Variants in SH3PXD2B observed in about 807,000 individuals in gnomAD.
SH3PXD2B encodes SH3 and PX domain-containing protein 2B.
SH3PXD2B carries 37 observed loss-of-function variants against 73.1 expected under a neutral mutation model. The observed-to-expected ratio is 0.51, with a 90% CI of 0.39 to 0.67. The LOEUF is 0.67. Among genes scored for constraint, SH3PXD2B ranks in the 30% least tolerant of loss-of-function variants. SH3PXD2B has a pLI of 0.00. For synonymous variants in SH3PXD2B, 457 were observed against 480.5 expected (o/e 0.95, Z 0.64); for missense variants, 1,053 against 1,197.8 (o/e 0.88, Z 1.78).
chr5:172,343,937 C>T lies in SH3PXD2B; in HGVS notation c.1188+2199G>A, dbSNP rs1196775434. ...GAGGCAAATAATTTACCTAACCCCC[C>T]TGAGTCTCATCTATAAAACATGCTG... On this transcript the variant is annotated intron_variant, in intron 12 of 12. Transcript: ENST00000311601. Among the ~76,000 whole-genome samples, 10 of 151,962 alleles carry T rather than the reference C, an allele frequency of 6.6e-5. No homozygotes were observed. The East Asian group carries it at 1.7e-3, about 26-fold the overall frequency.
intron 6 of SH3PXD2B, among the ~76,000 whole-genome samples, chr5:172,372,645 A>G (rs1029330390): frequency 1.3e-5 from 2 of 152,214 alleles, no homozygotes; most frequent in Non-Finnish European, 2.9e-5. Context: ...TGTGCCAGGC[A>G]CTATTCTAGG....
chr5:172,451,350 G>A (rs374971144), intron 1 of SH3PXD2B, among the ~76,000 whole-genome samples: 3 of 152,198 alleles, frequency 2.0e-5, no homozygotes, highest in East Asian at 1.9e-4. Context: ...AGTCTATGGC[G>A]CAGTGGCTGG....
intron 1 of SH3PXD2B, among the ~76,000 whole-genome samples, chr5:172,430,476 A>G (rs976024574): frequency 2.0e-5 from 3 of 152,166 alleles, no homozygotes; most frequent in African/African-American, 7.2e-5. Context: ...GCCTGTGGGG[A>G]AGGCCCTGAC....
intron 5 of SH3PXD2B, 86 bp from the exon 6 acceptor site, chr5:172,373,901 A>G: frequency 7.0e-7 from 1 of 1,434,754 alleles, no homozygotes. Context: ...GGAAACTGAG[A>G]TTCTCCACCC....
Position 172,367,049 on chromosome 5 carries a change from G to A in SH3PXD2B, c.428-4180C>T, listed in dbSNP as rs541354962. 1.0e-4 allele frequency among the ~76,000 whole-genome samples: 15 copies of A among 148,086 alleles called. No homozygotes were observed. The South Asian group carries it at 2.4e-3, about 24-fold the overall frequency. On this transcript the variant is annotated intron_variant, in intron 6 of 12. Coordinates refer to ENST00000311601, the MANE Select transcript of SH3PXD2B (RefSeq NM_001017995.3). Reference sequence around the variant, plus strand: ...CCCCCAGGGCTCAGGCGATTCTCTCGCCTCAGCCTCCCGAGTAACTGGGAC... The same window carrying A: ...CCCCCAGGGCTCAGGCGATTCTCTCACCTCAGCCTCCCGAGTAACTGGGAC...
At position 172,394,621 on chromosome 5, in the gene SH3PXD2B, C is replaced by T. The variant is rs1581304939; in HGVS notation, c.251G>A (p.Arg84Gln). ...PFLPGKILFR[R>Q]SHIRDVAVKR... is the part of the protein sequence containing the mutation. ...GACAGCCACGTCCCGGATGTGGCTTCGTCTGAAGAGAATCTTACCTGCAGA... is the reference window on the plus strand; with the variant it reads ...GACAGCCACGTCCCGGATGTGGCTTTGTCTGAAGAGAATCTTACCTGCAGA... The change falls in exon 4 of 13, where the codon CGA becomes CAA. Residue 84 changes from arginine (R) to glutamine (Q), a missense_variant. Arg to Gln is a conservative substitution (Grantham distance 43). Transcript: ENST00000311601. The T allele has an allele frequency of 4.3e-6, 7 of 1,613,928 alleles. No homozygotes were observed. The highest frequency in any genetic ancestry group is 1.1e-5 in the South Asian group (1 of 91,062).
chr5:172,335,328 C>A lies in SH3PXD2B; in HGVS notation c.*3041G>T. On this transcript the variant is annotated 3_prime_UTR_variant, in exon 13 of 13. Coordinates refer to ENST00000311601, the MANE Select transcript of SH3PXD2B (RefSeq NM_001017995.3). Reference sequence around the variant, plus strand: ...GTGAGCAAGGGGCGGGGGGAAGAGGCACCGAAATTCAGAGGGAGGGTCACT... The same window carrying A: ...GTGAGCAAGGGGCGGGGGGAAGAGGAACCGAAATTCAGAGGGAGGGTCACT... The A allele has an allele frequency of 2.5e-6, 3 of 1,192,576 alleles. No homozygotes were observed. The allele number at this position is 1,192,576 out of a possible 1,614,324, so 73.9% of individuals were successfully genotyped here.
At chr5:172,406,655 C>A (rs977189188) in intron 2 of SH3PXD2B, among the ~76,000 whole-genome samples, 1 of 152,116 alleles carries the variant, frequency 6.6e-6, no homozygotes, top group African/African-American at 2.4e-5. Flanking sequence ...ACTCTCAGGG[C>A]CACCAGGATT....
At chr5:172,349,693 G>A (rs1365237155) in intron 10 of SH3PXD2B, among the ~76,000 whole-genome samples, 3 of 152,104 alleles carry the variant, frequency 2.0e-5, no homozygotes, top group Admixed American at 6.5e-5. Context: ...CTGTAAAACA[G>A]AAAAAGTAGT....
At chr5:172,362,080 T>G (rs991176069) in intron 7 of SH3PXD2B, among the ~76,000 whole-genome samples, 8 of 152,252 alleles carry the variant, frequency 5.3e-5, no homozygotes, top group African/African-American at 1.9e-4. Flanking sequence ...CACATTTTTT[T>G]GAGCATCTAC....
At position 172,454,481 on chromosome 5, in the gene SH3PXD2B, AGCCGCCGCC is replaced by A. The variant is rs978023864; in HGVS notation, c.-138_-130del. On this transcript the variant is annotated 5_prime_UTR_variant, in exon 1 of 13. Coordinates refer to ENST00000311601, the MANE Select transcript of SH3PXD2B (RefSeq NM_001017995.3). ...GCAATCGCAGCCGGGGCCGAGCACG[AGCCGCCGCC>A]GCCACCGCCGCCGCCCTTCGCTCGG... The A allele has an allele frequency of 9.7e-5, 31 of 320,048 alleles. No homozygotes were observed. Among genetic ancestry groups the A allele is most frequent in the Admixed American group, 6.4e-5 (1 of 15,594 alleles). 19.8% of individuals were successfully genotyped at this position (320,048 alleles called of 1,614,324 possible). A position where few individuals can be genotyped will look rare whatever the true frequency, so the allele number is the denominator to read the frequency against.
In SH3PXD2B at chr5:172,335,994, G is replaced by A. The variant is rs575303238; in HGVS notation, c.*2375C>T. On this transcript the variant is annotated 3_prime_UTR_variant, in exon 13 of 13. Transcript: ENST00000311601. Reference sequence around the variant, plus strand: ...AACTTTCTGCCTAGAGGAAGGCAGGGCAAGTCTGCTCCTACCCAGCTGACC... The same window carrying A: ...AACTTTCTGCCTAGAGGAAGGCAGGACAAGTCTGCTCCTACCCAGCTGACC... 2.0e-6 allele frequency: 2 copies of A among 1,019,464 alleles called. No individual in the cohort carries two copies. Among genetic ancestry groups the A allele is most frequent in the South Asian group, 9.3e-5 (2 of 21,536 alleles). 63.2% of individuals were successfully genotyped at this position (1,019,464 alleles called of 1,614,324 possible).
chr5:172,341,351 G>C (rs1338228785), intron 12 of SH3PXD2B, among the ~76,000 whole-genome samples: 1 of 152,180 alleles, frequency 6.6e-6, no homozygotes, highest in Non-Finnish European at 1.5e-5. Context: ...GTGGGGCCTG[G>C]TGGGAGGTGT....
chr5:172,393,134 G>T (rs1481690563), intron 4 of SH3PXD2B, among the ~76,000 whole-genome samples: 1 of 152,146 alleles, frequency 6.6e-6, no homozygotes, highest in Non-Finnish European at 1.5e-5. Context: ...GGATTGTATT[G>T]AATATGTAGA....
chr5:172,327,430 A>C (rs924953583), intron 12 of SH3PXD2B, among the ~76,000 whole-genome samples: 28 of 152,166 alleles, frequency 1.8e-4, no homozygotes, highest in African/African-American at 2.4e-5. Context: ...GATTCCATGA[A>C]TCCCAGCGGG....
Position 172,422,492 on chromosome 5 carries a change from T to G in SH3PXD2B, c.80A>C (p.Tyr27Ser), listed in dbSNP as rs1561934197. The G allele has an allele frequency of 2.5e-6, 4 of 1,611,272 alleles. No individual in the cohort carries two copies. Among genetic ancestry groups the G allele is most frequent in the Non-Finnish European group, 3.4e-6 (4 of 1,179,398 alleles). ...GCTGGACCACGTGACCCGGATGATG[T>G]AGACCTGCGGGAGCAACAGAGGAGA... is the stretch of plus-strand genomic sequence containing the variant. ...KRRVPNKHYVYIIRVTWSSGS... is the reference protein window; with the variant it reads ...KRRVPNKHYVSIIRVTWSSGS... The change falls in exon 2 of 13, where the codon TAC becomes TCC. Residue 27 changes from tyrosine (Y) to serine (S), a missense_variant. Physicochemically the swap from Tyr to Ser is moderately radical, Grantham distance 144 (BLOSUM62 -2). Transcript: ENST00000311601.
chr5:172,357,068 G>A (rs780429081), intron 8 of SH3PXD2B, among the ~76,000 whole-genome samples: 3 of 140,300 alleles, frequency 2.1e-5, no homozygotes, highest in East Asian at 2.1e-4. Flanking sequence ...GCAGTGAGCC[G>A]TGTTCATGCC....
intron 8 of SH3PXD2B, among the ~76,000 whole-genome samples, chr5:172,355,061 C>G (rs1757240827): frequency 6.6e-6 from 1 of 152,208 alleles, no homozygotes; most frequent in East Asian, 1.9e-4. Flanking sequence ...CTCAAGGGAG[C>G]CCAGCAAGGA....
intron 1 of SH3PXD2B, among the ~76,000 whole-genome samples, chr5:172,422,718 C>G (rs1759000678): frequency 6.6e-6 from 1 of 152,182 alleles, no homozygotes; most frequent in Admixed American, 6.5e-5. Flanking sequence ...TGAATGACAT[C>G]AAGTATGGGG....
Sources: allele counts gnomAD v4.1 joint callset (sites outside exome capture counted in the v4.1 genomes callset), GRCh38; gene constraint gnomAD v4.1.1; transcripts MANE v1.5; gene names NCBI Gene and HGNC (gene_info 2026-07-23, HGNC 2026-07-21).